Variants in TAS1R1 observed in about 807,000 individuals in gnomAD.
The protein encoded by TAS1R1 is taste 1 receptor member 1.
TAS1R1 carries 31 observed loss-of-function variants against 45.8 expected under a neutral mutation model. That is an observed-to-expected ratio of 0.68 (90% confidence interval 0.51 to 0.91). The LOEUF (loss-of-function observed/expected upper bound fraction) is 0.91. Ranked by LOEUF, TAS1R1 falls within the 40% of genes least tolerant of loss-of-function variation. The pLI is 0.00. For missense variants in TAS1R1, 1,051 were observed against 1,063.9 expected, an observed-to-expected ratio of 0.99 and a Z score of 0.17; for synonymous variants, 437 against 448.4, an observed-to-expected ratio of 0.97 and a Z score of 0.32.
At chr1:6,573,926 G>A (rs1488798962) in intron 2 of TAS1R1, among the ~76,000 whole-genome samples, 3 of 152,084 alleles carry the variant, frequency 2.0e-5, no homozygotes, top group East Asian at 1.9e-4. Context: ...GCCTCCCAAT[G>A]TGCTGGGATT....
intron 1 of TAS1R1, among the ~76,000 whole-genome samples, chr1:6,565,419 C>A: frequency 6.6e-6 from 1 of 151,906 alleles, no homozygotes; most frequent in East Asian, 1.9e-4. Context: ...AGCTCTGAGG[C>A]AAGTTGGCCA....
At chr1:6,558,391 C>T (rs1639723778) in intron 1 of TAS1R1, among the ~76,000 whole-genome samples, 1 of 152,052 alleles carries the variant, frequency 6.6e-6, no homozygotes, top group Non-Finnish European at 1.5e-5. Context: ...TGTAGTCAAA[C>T]ATCAGTCCAG....
rs758393739 is a variant in TAS1R1 at position 6,575,208 on chromosome 1, G to A, written c.1076G>A (p.Ser359Asn). The change falls in exon 3 of 6, where the codon AGC becomes AAC. Residue 359 changes from serine to asparagine, a missense_variant. Transcript: ENST00000333172. ...CCTTGCCACAAGGGCTCCTGGTGCA[G>A]CAGCAATCAGCTCTGCAGAGAATGC... ...PRPCHKGSWC[S>N]SNQLCRECQA... The A allele has an allele frequency of 6.2e-7, 1 of 1,612,414 alleles. No individual in the cohort carries two copies. The highest frequency in any genetic ancestry group is 1.7e-5 in the Admixed American group (1 of 59,858).
At chr1:6,563,110 T>C (rs1639817089) in intron 1 of TAS1R1, among the ~76,000 whole-genome samples, 1 of 152,252 alleles carries the variant, frequency 6.6e-6, no homozygotes, top group African/African-American at 2.4e-5. Context: ...ACAGCCTGTA[T>C]GTCTGCCATT....
chr1:6,570,850 C>T, intron 1 of TAS1R1, 59 bp from the exon 2 acceptor site: 1 of 1,487,336 alleles, frequency 6.7e-7, no homozygotes, highest in Non-Finnish European at 9.1e-7. Flanking sequence ...TCTAGGAGGC[C>T]AGAGGGTCTC....
chr1:6,574,942 C>T lies in TAS1R1; in HGVS notation c.810C>T (p.Val270=), dbSNP rs1458775799. Residue 270 remains valine (V), a synonymous_variant, in exon 3 of 6, where the codon GTC becomes GTT. Coordinates refer to ENST00000333172, the MANE Select transcript of TAS1R1 (RefSeq NM_138697.4). This position sits in a 1 kb window ranked among gnomAD's most constrained non-coding sequence, Gnocchi z 4.3. ...MRHLAQAGAT[V]VVVFSSRQLA... ...ACCTGGCCCAGGCCGGGGCCACCGT[C>T]GTGGTTGTTTTTTCCAGCCGGCAGT... The T allele has an allele frequency of 7.5e-6, 12 of 1,610,478 alleles. No homozygotes were observed. Among genetic ancestry groups the T allele is most frequent in the African/African-American group, 4.0e-5 (3 of 74,876 alleles).
chr1:6,564,254 G>A (rs1570110257), intron 1 of TAS1R1, among the ~76,000 whole-genome samples: 2 of 152,288 alleles, frequency 1.3e-5, no homozygotes, highest in South Asian at 4.1e-4. Context: ...GTTGGGTTAA[G>A]AGTTTTTAAG....
chr1:6,568,933 GT>G (rs1197696329), intron 1 of TAS1R1, among the ~76,000 whole-genome samples: 1 of 151,602 alleles, frequency 6.6e-6, no homozygotes, highest in African/African-American at 2.4e-5. Context: ...GACCCGAGAT[GT>G]TTTTCAATTT....
rs200570210 is a variant in TAS1R1, at chr1:6,576,513, C to T, written c.1359C>T (p.Ala453=). 6.2e-7 allele frequency: 1 copy of T among 1,614,260 alleles called. No homozygotes were observed. Among genetic ancestry groups the T allele is most frequent in the East Asian group, 2.2e-5 (1 of 44,894 alleles). ...CCCTCAGTAGCTATAACATAATTGCCTGGGACTGGAATGGACCCAAGTGGA... is the reference window on the plus strand; with the variant it reads ...CCCTCAGTAGCTATAACATAATTGCTTGGGACTGGAATGGACCCAAGTGGA... ...RDPLSSYNII[A]WDWNGPKWTF... is the part of the protein sequence containing the mutation. The change falls in exon 4 of 6, where the codon GCC becomes GCT. Residue 453 remains alanine (A), a synonymous_variant. Transcript: ENST00000333172.
chr1:6,575,268 A>G lies in TAS1R1; in HGVS notation c.1136A>G (p.Lys379Arg), dbSNP rs1400118061. The G allele has an allele frequency of 2.5e-6, 4 of 1,613,342 alleles. No individual in the cohort carries two copies. The highest frequency in any genetic ancestry group is 3.4e-6 in the Non-Finnish European group (4 of 1,180,014). ...AFMAHTMPKL[K>R]AFSMSSAYNA... is the part of the protein sequence containing the mutation. ...ATGGCACACACGATGCCCAAGCTCA[A>G]AGCCTTCTCCATGAGTTCTGCCTAC... Residue 379 changes from lysine (K) to arginine (R), a missense_variant, in exon 3 of 6, where the codon AAA becomes AGA. By Grantham distance (26) the Lys-to-Arg change is conservative (BLOSUM62 2). Transcript: ENST00000333172.
At chr1:6,561,670 G>A (rs548729027) in intron 1 of TAS1R1, among the ~76,000 whole-genome samples, 4 of 151,278 alleles carry the variant, frequency 2.6e-5, no homozygotes, top group South Asian at 4.2e-4. Flanking sequence ...AGCCCAGCTC[G>A]CGCCACCGCA....
rs567210481 is a variant in TAS1R1 at position 6,579,229 on chromosome 1, ACTCCCTGGG to A, written c.2174_2182del (p.Ser725_Gly727del). 5.6e-5 allele frequency: 90 copies of A among 1,613,738 alleles called. 1 individual carries two copies. The East Asian group carries it at 1.6e-3, about 28-fold the overall frequency. ...GTGATGCTTGAGTGCACAGAGACCA[ACTCCCTGGG>A]CTTCATACTGGCCTTCCTCTACAAT... On this transcript the variant is annotated inframe_deletion, in exon 6 of 6. Transcript: ENST00000333172.
chr1:6,560,764 C>G (rs1289089825), intron 1 of TAS1R1, among the ~76,000 whole-genome samples: 1 of 151,992 alleles, frequency 6.6e-6, no homozygotes, highest in African/African-American at 2.4e-5. Flanking sequence ...GGGCAGATCA[C>G]GAGGTCAGGA....
Position 6,578,989 on chromosome 1 carries a change from T to C in TAS1R1, c.1931T>C (p.Ile644Thr). ...GCCCTCTTTGCCCTTGGTTTCACCA[T>C]CTTCCTGTCCTGCCTGACAGTTCGC... ...RQALFALGFT[I>T]FLSCLTVRSF... is the part of the protein sequence containing the mutation. Residue 644 changes from isoleucine to threonine, a missense_variant, in exon 6 of 6, where the codon ATC becomes ACC. Ile to Thr is a moderately conservative substitution (Grantham distance 89). Coordinates refer to ENST00000333172, the MANE Select transcript of TAS1R1 (RefSeq NM_138697.4). The C allele has an allele frequency of 6.2e-7, 1 of 1,614,162 alleles. No homozygotes were observed. Among genetic ancestry groups the C allele is most frequent in the Non-Finnish European group, 8.5e-7 (1 of 1,180,006 alleles).
intron 1 of TAS1R1, among the ~76,000 whole-genome samples, chr1:6,568,057 G>GT (rs1452077965): frequency 6.6e-6 from 1 of 152,066 alleles, no homozygotes; most frequent in Non-Finnish European, 1.5e-5. Context: ...TGAAAGCCAG[G>GT]TTAAGGAGGT....
chr1:6,579,026 AATC>A lies in TAS1R1; in HGVS notation c.1975_1977del (p.Ile659del), dbSNP rs1469210191. On this transcript the variant is annotated inframe_deletion, in exon 6 of 6. Coordinates refer to ENST00000333172, the MANE Select transcript of TAS1R1 (RefSeq NM_138697.4). ...GCCTGACAGTTCGCTCATTCCAACT[AATC>A]ATCATCTTCAAGTTTTCCACCAAGG... The A allele has an allele frequency of 6.2e-7, 1 of 1,613,160 alleles. No homozygotes were observed. Among genetic ancestry groups the A allele is most frequent in the Non-Finnish European group, 8.5e-7 (1 of 1,179,436 alleles).
At chr1:6,570,050 A>AGAGAGAGAGAGAGAGAGAGAGAGAGT (rs1639972144) in intron 1 of TAS1R1, among the ~76,000 whole-genome samples, 1 of 149,334 alleles carries the variant, frequency 6.7e-6, no homozygotes, top group East Asian at 2.0e-4. Flanking sequence ...AGAGAGAGAG[A>AGAGAGAGAGAGAGAGAGAGAGAGAGT]GTGAGTCCTC....
Position 6,574,557 on chromosome 1 carries a change from C to A in TAS1R1, c.499-74C>A. ...TGGTCTCCCCGGCTCCCTGTATCCC[C>A]ACACCCAGCACAGGGCCAGGCACTG... On this transcript the variant is annotated intron_variant, in intron 2 of 5. Transcript: ENST00000333172. This position sits in a 1 kb window ranked among gnomAD's most constrained non-coding sequence, Gnocchi z 4.3. The A allele has an allele frequency of 6.6e-7, 1 of 1,519,924 alleles. No homozygotes were observed. Among genetic ancestry groups the A allele is most frequent in the South Asian group, 1.3e-5 (1 of 77,506 alleles). 94.2% of individuals were successfully genotyped at this position (1,519,924 alleles called of 1,614,324 possible).
At position 6,574,685 on chromosome 1, in the gene TAS1R1, T is replaced by A; in HGVS notation, c.553T>A (p.Phe185Ile). ...CAGCGTGAAGCGGCAGTATCCCTCT[T>A]TCCTGCGCACCATCCCCAATGACAA... ...TLSVKRQYPS[F>I]LRTIPNDKYQ... Residue 185 changes from phenylalanine to isoleucine, a missense_variant, in exon 3 of 6, where the codon TTC becomes ATC. By Grantham distance (21) the Phe-to-Ile change is conservative. Transcript: ENST00000333172. The surrounding 1 kb of genome is among the most constrained non-coding windows in gnomAD (Gnocchi z 4.3). The A allele has an allele frequency of 6.2e-7, 1 of 1,614,112 alleles. No individual in the cohort carries two copies. Among genetic ancestry groups the A allele is most frequent in the African/African-American group, 1.3e-5 (1 of 75,052 alleles).
Sources: allele counts gnomAD v4.1 joint callset (sites outside exome capture counted in the v4.1 genomes callset), GRCh38; gene constraint gnomAD v4.1.1; non-coding constraint Gnocchi (gnomAD v3.1); transcripts MANE v1.5; gene names NCBI Gene and HGNC (gene_info 2026-07-23, HGNC 2026-07-21).